GRM1: variants seen among roughly 807,000 people sequenced by gnomAD.
GRM1 encodes the protein metabotropic glutamate receptor 1.
In GRM1, 33 loss-of-function variants were observed where a neutral mutation model predicts 90.9. That is an observed-to-expected ratio of 0.36 (90% CI 0.28 to 0.49). The LOEUF is 0.49. Ranked by LOEUF, GRM1 falls within the 20% of genes least tolerant of loss-of-function variation. The pLI, the probability that GRM1 is intolerant of heterozygous loss-of-function variation, is 0.99. For missense variants in GRM1, 1,190 were observed against 1,534.3 expected (o/e 0.78, Z 3.75); for synonymous variants, 700 against 613.2 (o/e 1.14, Z -2.09).
intron 2 of GRM1, among the ~76,000 whole-genome samples, chr6:146,233,179 A>G (rs1780504950): frequency 6.6e-6 from 1 of 151,842 alleles, no homozygotes; most frequent in African/African-American, 2.4e-5. Context: ...CTCTTGTTAT[A>G]TTTTCTTAAG....
intron 5 of GRM1, among the ~76,000 whole-genome samples, chr6:146,375,095 A>AT (rs1168235565): frequency 2.6e-5 from 4 of 151,916 alleles, no homozygotes; most frequent in African/African-American, 9.7e-5. Context: ...ATTTCAATAA[A>AT]TTTTTCAATT....
intron 1 of GRM1, among the ~76,000 whole-genome samples, chr6:146,047,037 T>C (rs920116999): frequency 1.6e-4 from 24 of 151,844 alleles, no homozygotes; most frequent in African/African-American, 5.8e-4. Context: ...GGGATCTGAG[T>C]AAGGTGCTAA....
At chr6:146,122,751 T>G (rs1776036410) in intron 1 of GRM1, among the ~76,000 whole-genome samples, 1 of 151,758 alleles carries the variant, frequency 6.6e-6, no homozygotes, top group Non-Finnish European at 1.5e-5. Flanking sequence ...TTTTTGTGGG[T>G]GTAATTCTTT....
intron 1 of GRM1, among the ~76,000 whole-genome samples, chr6:146,093,200 T>C (rs974940565): frequency 1.3e-5 from 2 of 152,118 alleles, no homozygotes; most frequent in Non-Finnish European, 2.9e-5. Flanking sequence ...CAAAATGCCA[T>C]GTCAGATGGG....
chr6:146,319,095 T>G (rs1784078673), intron 3 of GRM1, among the ~76,000 whole-genome samples: 1 of 152,216 alleles, frequency 6.6e-6, no homozygotes, highest in African/African-American at 2.4e-5. Flanking sequence ...TGGTATTGCC[T>G]AGGTTTTCTT....
intron 1 of GRM1, among the ~76,000 whole-genome samples, chr6:146,074,535 G>A (rs1051635230): frequency 2.0e-5 from 3 of 152,100 alleles, no homozygotes; most frequent in African/African-American, 7.2e-5. Context: ...TTTGTCAGTC[G>A]TGGGATATTT....
chr6:146,432,050 A>G (rs1051999142), intron 7 of GRM1, among the ~76,000 whole-genome samples: 3 of 152,214 alleles, frequency 2.0e-5, no homozygotes, highest in South Asian at 2.1e-4. Context: ...TTTACCTCAG[A>G]AAAGAGTCAG....
At chr6:146,067,707 A>C (rs551288918) in intron 1 of GRM1, among the ~76,000 whole-genome samples, 1 of 152,256 alleles carries the variant, frequency 6.6e-6, no homozygotes, top group East Asian at 1.9e-4. Flanking sequence ...CTTATTTTTT[A>C]AAAAAGCCTT....
intron 2 of GRM1, among the ~76,000 whole-genome samples, chr6:146,218,728 G>T (rs1050499121): frequency 1.3e-5 from 2 of 152,124 alleles, no homozygotes; most frequent in Non-Finnish European, 2.9e-5. Flanking sequence ...CACAATTCCA[G>T]ATATAACAGC....
At chr6:146,403,904 C>T (rs568035113) in intron 7 of GRM1, among the ~76,000 whole-genome samples, 3 of 152,126 alleles carry the variant, frequency 2.0e-5, no homozygotes, top group Admixed American at 6.5e-5. Flanking sequence ...GTGTAATGAT[C>T]AAATCAGGGT....
rs372590505 is a variant in GRM1, at chr6:146,159,641, T to TCTCTCTCTCTCACACACA, written c.950+45_950+46insTCTCTCTCTCACACACAC. The stretch of plus-strand genomic sequence containing the variant: ...CTCTCTCTCTCTCTCTCTCTCTCTC[T>TCTCTCTCTCTCACACACA]CACACACACACATGCACACACACAC... On this transcript the variant is annotated intron_variant, in intron 2 of 7. Transcript: ENST00000282753. 3.5e-3 allele frequency: 2,524 copies of TCTCTCTCTCTCACACACA among 726,632 alleles called. 8 individuals carry two copies. The highest frequency in any genetic ancestry group is 3.9e-3 in the Middle Eastern group (9 of 2,326). 45.0% of individuals were successfully genotyped at this position (726,632 alleles called of 1,614,324 possible).
At position 146,239,242 on chromosome 6, in the gene GRM1, C is replaced by T. The variant is rs118003111; in HGVS notation, c.951-65369C>T. Among the ~76,000 whole-genome samples the T allele has an allele frequency of 2.8e-3, 433 of 152,152 alleles. 13 individuals carry two copies. In the East Asian group the frequency reaches 0.069, roughly 24 times the overall value. On this transcript the variant is annotated intron_variant, in intron 2 of 7. Coordinates refer to ENST00000282753, the MANE Select transcript of GRM1 (RefSeq NM_001278064.2). ...TCAGATGGGCTGAATTGTTTATATC[C>T]GTATGTGGATAAAACTGACCCACTC...
chr6:146,137,199 C>T (rs959229458), intron 1 of GRM1, among the ~76,000 whole-genome samples: 3 of 152,094 alleles, frequency 2.0e-5, no homozygotes, highest in Non-Finnish European at 4.4e-5. Context: ...ATTTTTGCTT[C>T]GGTTGCCTAT....
chr6:146,342,612 A>G (rs533447757), intron 3 of GRM1, among the ~76,000 whole-genome samples: 81 of 152,320 alleles, frequency 5.3e-4, no homozygotes, highest in Admixed American at 2.9e-3. Context: ...TTGTTCATCA[A>G]TAAGTTGAGG....
Position 146,434,088 on chromosome 6 carries a change from G to A in GRM1, c.2877G>A (p.Glu959=). 6.2e-7 allele frequency: 1 copy of A among 1,614,098 alleles called. No individual in the cohort carries two copies. Among genetic ancestry groups the A allele is most frequent in the Non-Finnish European group, 8.5e-7 (1 of 1,179,904 alleles). ...CCAAGACCCTTTACAACGTAGAGGA[G>A]GAGGAGGATGCCCAGCCGATTCGCT... ...TSTKTLYNVE[E]EEDAQPIRFS... is the part of the protein sequence containing the mutation. The change falls in exon 8 of 8, where the codon GAG becomes GAA. Residue 959 remains glutamate, a synonymous_variant. Transcript: ENST00000282753.
intron 2 of GRM1, among the ~76,000 whole-genome samples, chr6:146,204,267 A>G (rs544767163): frequency 7.2e-5 from 11 of 152,362 alleles, no homozygotes; most frequent in African/African-American, 2.6e-4. Context: ...GTAATAAGAC[A>G]ATGGGCAGAA....
chr6:146,422,809 A>G (rs1343844217), intron 7 of GRM1, among the ~76,000 whole-genome samples: 1 of 152,192 alleles, frequency 6.6e-6, no homozygotes, highest in Admixed American at 6.5e-5. Flanking sequence ...AGGCTGTTAT[A>G]TCAAGGAAGA....
At chr6:146,102,233 T>C (rs1333952119) in intron 1 of GRM1, among the ~76,000 whole-genome samples, 2 of 152,212 alleles carry the variant, frequency 1.3e-5, no homozygotes, top group Non-Finnish European at 2.9e-5. Context: ...TCACTCTTCC[T>C]ATCCTTGCTT....
At chr6:146,278,259 A>G (rs899935923) in intron 2 of GRM1, among the ~76,000 whole-genome samples, 5 of 152,316 alleles carry the variant, frequency 3.3e-5, no homozygotes, top group African/African-American at 4.8e-5. Context: ...ATCAGGTGAT[A>G]TAATATTAAT....
Sources: gnomAD v4.1 joint callset for allele counts (sites outside exome capture counted in the v4.1 genomes callset) on GRCh38, gnomAD v4.1.1 for gene constraint, MANE v1.5 for transcripts, NCBI Gene and HGNC (gene_info 2026-07-23, HGNC 2026-07-21) for gene names.